SEC14L5: variants seen among roughly 807,000 people sequenced by gnomAD.
The protein encoded by SEC14L5 is SEC14 like lipid binding 5, also known as SEC14-like protein 5.
A neutral mutation model predicts 84.6 loss-of-function variants in SEC14L5; 96 were observed. The observed-to-expected ratio is 1.13, with a 90% CI of 0.96 to 1.34. The LOEUF (loss-of-function observed/expected upper bound fraction) is 1.34, where lower values mean the gene tolerates loss of function less well. Ranked by LOEUF, SEC14L5 falls within the 40% of genes most tolerant of loss-of-function variation. The pLI, the probability that SEC14L5 is intolerant of heterozygous loss-of-function variation, is 0.00. For synonymous variants in SEC14L5, 546 were observed against 383.4 expected (o/e 1.42, Z -4.95); for missense variants, 1,224 against 942.5 (o/e 1.30, Z -3.91).
intron 4 of SEC14L5, among the ~76,000 whole-genome samples, chr16:4,990,287 C>T (rs900375339): frequency 6.6e-6 from 1 of 151,942 alleles, no homozygotes; most frequent in Admixed American, 6.6e-5. Context: ...CTCAGCCTCC[C>T]GAGTAGCTGG....
chr16:5,014,179 T>A (rs1955842148), intron 15 of SEC14L5, among the ~76,000 whole-genome samples: 1 of 152,344 alleles, frequency 6.6e-6, no homozygotes, highest in African/African-American at 2.4e-5. Flanking sequence ...ATGGGCCACA[T>A]TTCAAGTGAT....
rs183124907 is a variant in SEC14L5, at chr16:4,990,730, C to T, written c.346-37C>T. 60 of 1,576,450 alleles carry T rather than the reference C, an allele frequency of 3.8e-5. No homozygotes were observed. In the South Asian group the frequency reaches 6.6e-4, roughly 17 times the overall value. On this transcript the variant is annotated intron_variant, in intron 4 of 15. Coordinates refer to ENST00000251170, the MANE Select transcript of SEC14L5 (RefSeq NM_014692.2). The stretch of plus-strand genomic sequence containing the variant: ...CTAGGGGAGGGCAGGGTGCCCCCGA[C>T]ATTGAGTCCCTGGCATGACCCCTGC...
At chr16:4,965,951 A>G (rs1955195542) in intron 2 of SEC14L5, among the ~76,000 whole-genome samples, 1 of 152,118 alleles carries the variant, frequency 6.6e-6, no homozygotes, top group Non-Finnish European at 1.5e-5. Context: ...CTGAGGCAGG[A>G]GGATCACTTG....
chr16:4,966,741 C>G lies in SEC14L5; in HGVS notation c.63+7355C>G, dbSNP rs141942433. The stretch of plus-strand genomic sequence containing the variant: ...GACTCAACTTCAGGCAGTTCGGCCC[C>G]TCAATTTACACCCCAACTATGAGCT... On this transcript the variant is annotated intron_variant, in intron 2 of 15. Transcript: ENST00000251170. Among the ~76,000 whole-genome samples, 31 of 152,294 alleles carry G rather than the reference C, an allele frequency of 2.0e-4. No individual in the cohort carries two copies. In the East Asian group the frequency reaches 3.5e-3, roughly 17 times the overall value.
chr16:4,965,210 A>C (rs1390950419), intron 2 of SEC14L5, among the ~76,000 whole-genome samples: 2 of 152,166 alleles, frequency 1.3e-5, no homozygotes, highest in Non-Finnish European at 2.9e-5. Context: ...TTTATGGCTA[A>C]ATAAATACTT....
At chr16:5,007,076 T>A (rs1260596310) in intron 12 of SEC14L5, among the ~76,000 whole-genome samples, 4 of 152,058 alleles carry the variant, frequency 2.6e-5, no homozygotes, top group Non-Finnish European at 5.9e-5. Context: ...CGAACGTGGG[T>A]TTGTGCCCTG....
chr16:5,005,418 G>A (rs1325228795), intron 11 of SEC14L5, among the ~76,000 whole-genome samples: 2 of 151,926 alleles, frequency 1.3e-5, no homozygotes, highest in African/African-American at 4.8e-5. Context: ...GGGAAGTGAC[G>A]GTGGGGTGGG....
At chr16:4,972,156 C>T (rs1955287710) in intron 2 of SEC14L5, among the ~76,000 whole-genome samples, 1 of 151,968 alleles carries the variant, frequency 6.6e-6, no homozygotes, top group South Asian at 2.1e-4. Context: ...TAGGTGCCAC[C>T]GAACCTGGCT....
chr16:4,984,171 C>G (rs935708984), intron 2 of SEC14L5, among the ~76,000 whole-genome samples: 3 of 152,170 alleles, frequency 2.0e-5, no homozygotes, highest in African/African-American at 7.2e-5. Context: ...ACCCTCATCC[C>G]TCAACACCCC....
At chr16:5,002,570 A>G (rs1200319216) in intron 10 of SEC14L5, among the ~76,000 whole-genome samples, 1 of 152,146 alleles carries the variant, frequency 6.6e-6, no homozygotes, top group African/African-American at 2.4e-5. Context: ...TCAATCCATT[A>G]GTGTCCTGGC....
chr16:4,960,287 G>A (rs1955104410), intron 2 of SEC14L5, among the ~76,000 whole-genome samples: 1 of 152,168 alleles, frequency 6.6e-6, no homozygotes. Context: ...TGTGTGCCGG[G>A]CACACAGTAG....
Position 4,992,011 on chromosome 16 carries a change from G to A in SEC14L5, c.648G>A (p.Leu216=). The A allele has an allele frequency of 1.3e-6, 2 of 1,575,204 alleles. No individual in the cohort carries two copies. The highest frequency in any genetic ancestry group is 1.7e-6 in the Non-Finnish European group (2 of 1,167,248). Residue 216 remains leucine (L), a synonymous_variant, in exon 6 of 16, where the codon CTG becomes CTA. Coordinates refer to ENST00000251170, the MANE Select transcript of SEC14L5 (RefSeq NM_014692.2). ...CCCGTAGCACCCTGGGGCCCGCTCT[G>A]GAGGCGGTCAGTATGGACGGTAGGT... ...HGPRSTLGPA[L]EAVSMDGDKL...
intron 14 of SEC14L5, among the ~76,000 whole-genome samples, chr16:5,009,989 C>G (rs1176270590): frequency 1.3e-5 from 2 of 151,716 alleles, no homozygotes; most frequent in Non-Finnish European, 2.9e-5. Flanking sequence ...TGCTAAGGTC[C>G]TGAGGTCAGT....
chr16:4,991,919 G>C lies in SEC14L5; in HGVS notation c.556G>C (p.Val186Leu), dbSNP rs369915599. The C allele has an allele frequency of 6.2e-7, 1 of 1,607,134 alleles. No individual in the cohort carries two copies. The change falls in exon 6 of 16, where the codon GTC becomes CTC. Residue 186 changes from valine (V) to leucine (L), a missense_variant. Transcript: ENST00000251170. The part of the protein sequence containing the change: ...SHIPRWTPAP[V>L]REEDARNQAG... ...CATTCCGCGCTGGACGCCTGCCCCA[G>C]TCCGTGAGGAGGATGCCCGCAACCA...
At chr16:5,010,174 C>A (rs932354296) in intron 14 of SEC14L5, among the ~76,000 whole-genome samples, 1 of 105,518 alleles carries the variant, frequency 9.5e-6, no homozygotes, top group South Asian at 3.5e-4. Flanking sequence ...GAAACTCCGT[C>A]TCTACTAAAA....
rs752012880 is a variant in SEC14L5 at position 4,959,329 on chromosome 16, G to A, written c.6G>A (p.Val2=). 289 of 1,613,588 alleles carry A rather than the reference G, an allele frequency of 1.8e-4. 1 individual carries two copies. Among genetic ancestry groups the A allele is most frequent in the Non-Finnish European group, 2.6e-5 (31 of 1,179,638 alleles). Residue 2 remains valine, a synonymous_variant, in exon 2 of 16, where the codon GTG becomes GTA. Transcript: ENST00000251170. ...ATTGGTGCTCCAGCGTGAACATGGT[G>A]CAAAGATACCAGTCTCCTGTCCGAG... M[V]QRYQSPVRVY...
rs752507086 is a variant in SEC14L5, at chr16:5,008,568, A to G, written c.1720A>G (p.Ile574Val). ...GGGGACCAGGGCCAGCGGGCAGCTGATCGACAAAGGCTGGGTCCTGGGCAG... is the reference window on the plus strand; with the variant it reads ...GGGGACCAGGGCCAGCGGGCAGCTGGTCGACAAAGGCTGGGTCCTGGGCAG... ...EPGTRASGQL[I>V]DKGWVLGRDY... is the part of the protein sequence containing the mutation. Residue 574 changes from isoleucine (I) to valine (V), a missense_variant, in exon 14 of 16, where the codon ATC (isoleucine) becomes GTC (valine). Coordinates refer to ENST00000251170, the MANE Select transcript of SEC14L5 (RefSeq NM_014692.2). 16 of 1,608,048 alleles carry G rather than the reference A, an allele frequency of 9.9e-6. No individual in the cohort carries two copies. The highest frequency in any genetic ancestry group is 1.2e-5 in the Non-Finnish European group (14 of 1,177,972).
Position 4,988,237 on chromosome 16 carries a change from C to T in SEC14L5, c.302C>T (p.Thr101Ile). The change falls in exon 4 of 16, where the codon ACC becomes ATC. Residue 101 changes from threonine to isoleucine, a missense_variant. Transcript: ENST00000251170. ...CTCCTCATCGAAGCGCACAATGAGA[C>T]CTTCGCCAACCGCGTGGTGGTGAAC... is the stretch of plus-strand genomic sequence containing the variant. ...RTLLIEAHNE[T>I]FANRVVVNEH... 3.1e-6 allele frequency: 5 copies of T among 1,613,806 alleles called. No individual in the cohort carries two copies. The highest frequency in any genetic ancestry group is 4.2e-6 in the Non-Finnish European group (5 of 1,179,772).
In SEC14L5 at chr16:5,014,916, C is replaced by A. The variant is rs2012649; in HGVS notation, c.2037C>A (p.Ala679=). Reference sequence around the variant, plus strand: ...GCGGCTTCTCCCAGCTCAGCGCCGCCACCTCGTCCTCCTCCTCCGGCCAGT... The same window carrying A: ...GCGGCTTCTCCCAGCTCAGCGCCGCAACCTCGTCCTCCTCCTCCGGCCAGT... ...CTSGFSQLSA[A]TSSSSSGQSH... Residue 679 remains alanine (A), a synonymous_variant, in exon 16 of 16, where the codon GCC becomes GCA. Transcript: ENST00000251170. The A allele has an allele frequency of 6.2e-7, 1 of 1,612,718 alleles. No homozygotes were observed. The highest frequency in any genetic ancestry group is 8.5e-7 in the Non-Finnish European group (1 of 1,179,620).
Sources: gnomAD v4.1 joint callset for allele counts (sites outside exome capture counted in the v4.1 genomes callset) on GRCh38, gnomAD v4.1.1 for gene constraint, MANE v1.5 for transcripts, NCBI Gene and HGNC (gene_info 2026-07-23, HGNC 2026-07-21) for gene names.